RPS6KC1: variants seen among roughly 807,000 people sequenced by gnomAD.
RPS6KC1 encodes the protein inactive ribosomal protein S6 kinase delta-1.
A neutral mutation model predicts 103.8 loss-of-function variants in RPS6KC1; 54 were observed. That is an observed-to-expected ratio of 0.52 (90% CI 0.42 to 0.65). The LOEUF (loss-of-function observed/expected upper bound fraction) is 0.65. Ranked by LOEUF, RPS6KC1 falls within the 30% of genes least tolerant of loss-of-function variation. The pLI, the probability that RPS6KC1 is intolerant of heterozygous loss-of-function variation, is 0.00. For synonymous variants in RPS6KC1, 439 were observed against 438.7 expected (o/e 1.00, Z -0.01); for missense variants, 1,151 against 1,253.8 (o/e 0.92, Z 1.24).
chr1:213,808,295 C>T, the RPS6KC1 span, among the ~76,000 whole-genome samples: 3 of 152,326 alleles, frequency 2.0e-5, no homozygotes, highest in African/African-American at 7.2e-5. Flanking sequence ...GGGAGAACCA[C>T]TGCTCTCTTC....
the RPS6KC1 span, among the ~76,000 whole-genome samples, chr1:213,456,479 G>A: frequency 0.02 from 3,021 of 152,040 alleles, 99 homozygotes; most frequent in African/African-American, 0.068. Flanking sequence ...TTCATTTGTC[G>A]CCTTTCTTCA....
the RPS6KC1 span, among the ~76,000 whole-genome samples, chr1:213,637,989 A>C: frequency 5.3e-5 from 8 of 151,606 alleles, no homozygotes; most frequent in Admixed American, 3.3e-4. Context: ...GCTAATGTTA[A>C]AATTTTTTTT....
chr1:213,187,599 A>G (rs1464697237), intron 8 of RPS6KC1, among the ~76,000 whole-genome samples: 1 of 151,650 alleles, frequency 6.6e-6, no homozygotes, highest in Non-Finnish European at 1.5e-5. Flanking sequence ...TTTGTATGTT[A>G]TCTTGGAGGT....
intron 8 of RPS6KC1, among the ~76,000 whole-genome samples, chr1:213,215,852 C>G (rs1435660341): frequency 6.6e-6 from 1 of 152,162 alleles, no homozygotes; most frequent in Non-Finnish European, 1.5e-5. Context: ...ACCACCAGGC[C>G]TGCCCTAAAA....
rs1419164343 is a variant in RPS6KC1 at position 213,051,317 on chromosome 1, C to T, written c.-88C>T. The T allele has an allele frequency of 9.1e-6, 9 of 989,568 alleles. No homozygotes were observed. The highest frequency in any genetic ancestry group is 4.1e-5 in the South Asian group (3 of 72,342). 61.3% of individuals were successfully genotyped at this position (989,568 alleles called of 1,614,324 possible). On this transcript the variant is annotated 5_prime_UTR_variant, in exon 1 of 15. Transcript: ENST00000366960. The stretch of plus-strand genomic sequence containing the variant: ...AGCCACCGCCCCCTCGCCGCTTCGC[C>T]GCTGCGTTGGGGAACCTGGACCGCG...
At chr1:213,114,943 G>A (rs1054875938) in intron 4 of RPS6KC1, among the ~76,000 whole-genome samples, 3 of 152,172 alleles carry the variant, frequency 2.0e-5, no homozygotes, top group Non-Finnish European at 4.4e-5. Flanking sequence ...TGTGCTGCTG[G>A]ATTTGGTTTG....
intron 7 of RPS6KC1, among the ~76,000 whole-genome samples, chr1:213,174,692 AGAG>A (rs1278458419): frequency 1.2e-3 from 180 of 151,040 alleles, no homozygotes; most frequent in Middle Eastern, 3.4e-3. Context: ...AAAAAAAAAA[AGAG>A]GTTATTGCTA....
the RPS6KC1 span, among the ~76,000 whole-genome samples, chr1:213,773,681 T>A: frequency 6.6e-6 from 1 of 152,048 alleles, no homozygotes; most frequent in Non-Finnish European, 1.5e-5. Context: ...GGCAGTGCAG[T>A]CAGGAGTTCC....
chr1:213,536,629 G>A, the RPS6KC1 span, among the ~76,000 whole-genome samples: 1 of 152,152 alleles, frequency 6.6e-6, no homozygotes, highest in African/African-American at 2.4e-5. Flanking sequence ...GCCGTTGAGT[G>A]TGTGTGTTTA....
At chr1:213,678,272 T>C in the RPS6KC1 span, among the ~76,000 whole-genome samples, 1 of 152,016 alleles carries the variant, frequency 6.6e-6, no homozygotes, top group Admixed American at 6.5e-5. Context: ...CAAGGAAACA[T>C]GTGTTCAGAA....
At chr1:213,168,019 T>G (rs2091149434) in intron 7 of RPS6KC1, 46 bp downstream of exon 7, 1 of 1,236,610 alleles carries the variant, frequency 8.1e-7, no homozygotes, top group Admixed American at 1.8e-5. Flanking sequence ...GATTTTTTGC[T>G]GTCTGGTCTC....
the RPS6KC1 span, among the ~76,000 whole-genome samples, chr1:213,377,051 G>C: frequency 6.6e-6 from 1 of 152,170 alleles, no homozygotes; most frequent in African/African-American, 2.4e-5. Context: ...CCTCTGGGAA[G>C]GTAAGTCTGG....
At chr1:213,448,270 A>T in the RPS6KC1 span, among the ~76,000 whole-genome samples, 1 of 151,256 alleles carries the variant, frequency 6.6e-6, no homozygotes, top group East Asian at 1.9e-4. Context: ...AAAAGAAACT[A>T]TTTGTGGTGG....
chr1:213,766,717 A>G, the RPS6KC1 span, among the ~76,000 whole-genome samples: 1 of 152,022 alleles, frequency 6.6e-6, no homozygotes, highest in Non-Finnish European at 1.5e-5. Context: ...ATTATGTGTC[A>G]TTCTCATACC....
the RPS6KC1 span, among the ~76,000 whole-genome samples, chr1:213,571,264 G>A: frequency 6.6e-6 from 1 of 152,192 alleles, no homozygotes; most frequent in Non-Finnish European, 1.5e-5. Context: ...CATCTTCTCA[G>A]CATGGAGATC....
the RPS6KC1 span, among the ~76,000 whole-genome samples, chr1:213,626,164 A>G: frequency 1.3e-5 from 2 of 152,052 alleles, no homozygotes; most frequent in East Asian, 1.9e-4. Flanking sequence ...TTTGATTTGC[A>G]TTTCTCTGAT....
the RPS6KC1 span, among the ~76,000 whole-genome samples, chr1:213,626,906 C>T: frequency 2.6e-4 from 40 of 152,158 alleles, no homozygotes; most frequent in Admixed American, 6.6e-4. Flanking sequence ...TTGGGCGATG[C>T]GGGCTCTTTT....
the RPS6KC1 span, among the ~76,000 whole-genome samples, chr1:213,649,921 T>A: frequency 1.3e-5 from 2 of 152,182 alleles, no homozygotes; most frequent in Non-Finnish European, 2.9e-5. Context: ...CCGAGCAATA[T>A]CTTCTAGACC....
At chr1:213,659,828 A>G in the RPS6KC1 span, among the ~76,000 whole-genome samples, 1 of 152,246 alleles carries the variant, frequency 6.6e-6, no homozygotes, top group Non-Finnish European at 1.5e-5. Flanking sequence ...AGGTTTTAAA[A>G]AAAGAAAATG....
Sources: gnomAD v4.1 joint callset for allele counts (sites outside exome capture counted in the v4.1 genomes callset) on GRCh38, gnomAD v4.1.1 for gene constraint, MANE v1.5 for transcripts, NCBI Gene and HGNC (gene_info 2026-07-23, HGNC 2026-07-21) for gene names.